SNRNP40: variants seen among roughly 807,000 people sequenced by gnomAD.
SNRNP40 encodes the protein U5 small nuclear ribonucleoprotein 40 kDa protein.
Under a neutral mutation model 45.8 loss-of-function variants are expected in SNRNP40, and 21 were observed. That is an observed-to-expected ratio of 0.46 (90% CI 0.32 to 0.66). The LOEUF (loss-of-function observed/expected upper bound fraction) is 0.66, where lower values mean the gene tolerates loss of function less well. Ranked by LOEUF, SNRNP40 falls within the 30% of genes least tolerant of loss-of-function variation. The pLI is 0.03. For missense variants in SNRNP40, 344 were observed against 439.1 expected (o/e 0.78, Z 1.94); for synonymous variants, 142 against 163.8 (o/e 0.87, Z 1.01).
chr1:31,292,110 C>G (rs975240356), intron 2 of SNRNP40, 104 bp from the exon 3 acceptor site: 2 of 672,334 alleles, frequency 3.0e-6, no homozygotes, highest in African/African-American at 3.6e-5. Flanking sequence ...CACCTGTAAT[C>G]CCAGCACTTT....
At chr1:31,270,675 A>G (rs868536641) in intron 6 of SNRNP40, among the ~76,000 whole-genome samples, 38 of 103,244 alleles carry the variant, frequency 3.7e-4, no homozygotes, top group Non-Finnish European at 8.1e-4. Context: ...CCATTAATTC[A>G]ACAAATATTT....
chr1:31,290,705 A>G lies in SNRNP40; in HGVS notation c.365+1208T>C, dbSNP rs377411269. 8.6e-5 allele frequency among the ~76,000 whole-genome samples: 13 copies of G among 151,738 alleles called. No homozygotes were observed. In the East Asian group the frequency reaches 1.8e-3, roughly 20 times the overall value. On this transcript the variant is annotated intron_variant, in intron 3 of 9. Coordinates refer to ENST00000263694, the MANE Select transcript of SNRNP40 (RefSeq NM_004814.3). ...ATCCTGGCTAACACGGTGAAACCCC[A>G]TCTCTATTAAAAATACAAAAAAATT...
At chr1:31,268,299 T>C (rs78342328) in intron 7 of SNRNP40, among the ~76,000 whole-genome samples, 1 of 100,568 alleles carries the variant, frequency 9.9e-6, no homozygotes, top group Non-Finnish European at 2.5e-5. Flanking sequence ...TTTTTTTTTT[T>C]TGAGACAGGG....
rs145175170 is a variant in SNRNP40 at position 31,283,246 on chromosome 1, G to T, written c.532-1750C>A. On this transcript the variant is annotated intron_variant, in intron 4 of 9. Transcript: ENST00000263694. ...TTCACTAGCTGACCACTAAGCTAAC[G>T]AAAAAAAGAATTCAGTGGTCACACA... Among the ~76,000 whole-genome samples, 48 of 152,076 alleles carry T rather than the reference G, an allele frequency of 3.2e-4. No homozygotes were observed. In the East Asian group the frequency reaches 9.3e-3, roughly 29 times the overall value.
chr1:31,263,698 A>T (rs1433326646), intron 8 of SNRNP40: 1 of 395,370 alleles, frequency 2.5e-6, no homozygotes, highest in Non-Finnish European at 4.8e-6. Flanking sequence ...TAGGAAGAAG[A>T]AATTGTTTTT....
intron 8 of SNRNP40, among the ~76,000 whole-genome samples, chr1:31,265,239 C>T (rs994053844): frequency 6.6e-6 from 1 of 152,094 alleles, no homozygotes; most frequent in Admixed American, 6.6e-5. Flanking sequence ...GTCCTTCTGC[C>T]TCAGCCTACC....
chr1:31,263,751 G>C lies in SNRNP40; in HGVS notation c.921-2119C>G, dbSNP rs558230899. The stretch of plus-strand genomic sequence containing the variant: ...TGATGTCCTGTGCTGAAGGTTTCCT[G>C]CCATGGAGCAGACAGAAGTGACCAG... On this transcript the variant is annotated intron_variant, in intron 8 of 9. Coordinates refer to ENST00000263694, the MANE Select transcript of SNRNP40 (RefSeq NM_004814.3). 4.5e-4 allele frequency: 146 copies of C among 323,756 alleles called. 1 individual carries two copies. The highest frequency in any genetic ancestry group is 2.8e-3 in the African/African-American group (123 of 43,982). The allele number at this position is 323,756 out of a possible 1,614,324, so 20.1% of individuals were successfully genotyped here.
chr1:31,285,447 C>T (rs1320360209), intron 4 of SNRNP40, among the ~76,000 whole-genome samples: 1 of 152,080 alleles, frequency 6.6e-6, no homozygotes, highest in African/African-American at 2.4e-5. Flanking sequence ...TCAAGTTGGC[C>T]AGGCTGGTTT....
chr1:31,280,335 T>C lies in SNRNP40; in HGVS notation c.654+1039A>G, dbSNP rs117027192. ...ACCACCATCACATCCAGCTAATTTT[T>C]GTATTTTCAGTAGAGACGAGGTTTC... On this transcript the variant is annotated intron_variant, in intron 5 of 9. Transcript: ENST00000263694. Among the ~76,000 whole-genome samples the C allele has an allele frequency of 2.2e-3, 341 of 151,784 alleles. 1 individual carries two copies. The highest frequency in any genetic ancestry group is 0.017 in the Admixed American group (263 of 15,258).
chr1:31,266,614 T>C (rs1389449460), intron 8 of SNRNP40, among the ~76,000 whole-genome samples: 2 of 152,214 alleles, frequency 1.3e-5, no homozygotes, highest in Non-Finnish European at 2.9e-5. Context: ...TAGATTCGTA[T>C]TTCATAAAGC....
chr1:31,261,201 A>T (rs1645856772), intron 9 of SNRNP40: 1 of 327,246 alleles, frequency 3.1e-6, no homozygotes. Context: ...AAAAAAAAAA[A>T]TTAGCTGGGC....
At chr1:31,293,081 C>A in intron 2 of SNRNP40, 138 bp downstream of exon 2, 1 of 852,630 alleles carries the variant, frequency 1.2e-6, no homozygotes, top group Non-Finnish European at 1.8e-6. Context: ...CATGTTCATG[C>A]CCCAATTTTA....
chr1:31,260,177 C>CCT, intron 9 of SNRNP40, 56 bp from the exon 10 acceptor site: 2 of 1,267,776 alleles, frequency 1.6e-6, no homozygotes, highest in Non-Finnish European at 2.2e-6. Flanking sequence ...AGACTTGGTG[C>CCT]TCAAGGGCTC....
At chr1:31,296,319 T>G (rs1195214976) in intron 1 of SNRNP40, among the ~76,000 whole-genome samples, 1 of 152,224 alleles carries the variant, frequency 6.6e-6, no homozygotes, top group Non-Finnish European at 1.5e-5. Context: ...AGATCCATGT[T>G]AGAGTCAGGA....
intron 9 of SNRNP40, chr1:31,260,981 A>AAT: frequency 8.3e-7 from 1 of 1,207,396 alleles, no homozygotes; most frequent in East Asian, 7.3e-5. Flanking sequence ...TCAAGAAGAA[A>AAT]ATGGAGCATT....
chr1:31,269,672 G>A (rs1645923626), intron 6 of SNRNP40: 1 of 259,096 alleles, frequency 3.9e-6, no homozygotes, highest in Admixed American at 5.2e-5. Flanking sequence ...TCCCTCATAT[G>A]GGCACCTGAT....
At chr1:31,282,560 T>TATCTATCC in intron 4 of SNRNP40, 1 of 57,696 alleles carries the variant, frequency 1.7e-5, no homozygotes, top group South Asian at 6.0e-4. Flanking sequence ...TCGCCTAGGC[T>TATCTATCC]ATCTATCTAT....
intron 6 of SNRNP40, chr1:31,269,682 T>G (rs139369595): frequency 8.1e-6 from 2 of 247,196 alleles, no homozygotes; most frequent in Non-Finnish European, 1.5e-5. Context: ...GGGCACCTGA[T>G]AGTCTAAGAC....
At chr1:31,293,462 A>C in intron 1 of SNRNP40, 114 bp from the exon 2 acceptor site, 3 of 1,067,556 alleles carry the variant, frequency 2.8e-6, no homozygotes, top group Admixed American at 3.0e-5. Context: ...AGTGGGTTTC[A>C]TCTGACTTAC....
Sources: allele counts gnomAD v4.1 joint callset (sites outside exome capture counted in the v4.1 genomes callset), GRCh38; gene constraint gnomAD v4.1.1; transcripts MANE v1.5; gene names NCBI Gene and HGNC (gene_info 2026-07-23, HGNC 2026-07-21).